The following SLF2 variants were observed in gnomAD, a reference collection of about 807,000 sequenced individuals.
SLF2 encodes SMC5/6 complex localization factor 2, also known as SMC5-SMC6 complex localization factor protein 2.
In SLF2, 68 loss-of-function variants were observed where a neutral mutation model predicts 124.3. The ratio of observed to expected loss-of-function variants is 0.55; its 90% CI spans 0.45 to 0.67. The LOEUF (loss-of-function observed/expected upper bound fraction) is 0.67. SLF2 is among the 30% of genes least tolerant of loss of function. The pLI, the probability that SLF2 is intolerant of heterozygous loss-of-function variation, is 0.00. For synonymous variants in SLF2, 480 were observed against 478.8 expected, an observed-to-expected ratio of 1.00 and a Z score of -0.03; for missense variants, 1,246 against 1,373.7, an observed-to-expected ratio of 0.91 and a Z score of 1.47.
In SLF2 at chr10:100,956,553, CTTTTTTTCTTTT is replaced by C. The variant is rs767515512; in HGVS notation, c.3417+27_3417+38del. 12 of 1,512,566 alleles carry C rather than the reference CTTTTTTTCTTTT, an allele frequency of 7.9e-6. No individual in the cohort carries two copies. Among genetic ancestry groups the C allele is most frequent in the African/African-American group, 7.1e-5 (5 of 70,432 alleles). The allele number at this position is 1,512,566 out of a possible 1,614,324, so 93.7% of individuals were successfully genotyped here. ...CAGAACTAAGGTAAGTGTGTTCTTT[CTTTTTTTCTTTT>C]TTTTTTTCTTAATCTTGGTTACGTT... On this transcript the variant is annotated intron_variant, in intron 18 of 19. Coordinates refer to ENST00000238961, the MANE Select transcript of SLF2 (RefSeq NM_018121.4).
chr10:100,948,602 G>T (rs1850151526), intron 15 of SLF2, among the ~76,000 whole-genome samples: 1 of 152,282 alleles, frequency 6.6e-6, no homozygotes, highest in African/African-American at 2.4e-5. Context: ...CTCACCATAG[G>T]ATGGGCACAG....
chr10:100,917,337 C>G (rs751385653), intron 3 of SLF2, 37 bp downstream of exon 3: 6 of 1,550,100 alleles, frequency 3.9e-6, no homozygotes, highest in Non-Finnish European at 5.2e-6. Flanking sequence ...ATTGCTACTG[C>G]TATGTCATAT....
At chr10:100,937,331 G>T in intron 9 of SLF2, 71 bp from the exon 10 acceptor site, 1 of 1,231,642 alleles carries the variant, frequency 8.1e-7, no homozygotes, top group Non-Finnish European at 1.2e-6. Context: ...AACTTTATAT[G>T]TGCCTAGCAA....
At chr10:100,943,831 A>G (rs911003677) in intron 11 of SLF2, 195 bp from the exon 12 acceptor site, 1 of 451,590 alleles carries the variant, frequency 2.2e-6, no homozygotes, top group Non-Finnish European at 3.9e-6. Flanking sequence ...GGGAATGGAA[A>G]TGTTCTATTT....
Position 100,920,258 on chromosome 10 carries a change from C to T in SLF2, c.973+1817C>T, listed in dbSNP as rs1157224187. On this transcript the variant is annotated intron_variant, in intron 4 of 19. Coordinates refer to ENST00000238961, the MANE Select transcript of SLF2 (RefSeq NM_018121.4). ...TATTATTTTATATAAGGGGCTGCTG[C>T]TGGTGGTGTGGCTACCACATTATTC... 3.9e-5 allele frequency among the ~76,000 whole-genome samples: 6 copies of T among 152,206 alleles called. No homozygotes were observed. In the East Asian group the frequency reaches 7.7e-4, roughly 20 times the overall value.
chr10:100,932,147 G>T (rs1197788813), intron 9 of SLF2, among the ~76,000 whole-genome samples: 2 of 151,992 alleles, frequency 1.3e-5, no homozygotes, highest in African/African-American at 4.8e-5. Flanking sequence ...GTTATTCTTC[G>T]CAGTGGCTCA....
At chr10:100,920,969 A>T (rs893522170) in intron 4 of SLF2, among the ~76,000 whole-genome samples, 2 of 152,132 alleles carry the variant, frequency 1.3e-5, no homozygotes, top group African/African-American at 4.8e-5. Context: ...AATAAATAAA[A>T]ATAAAAATCC....
At position 100,950,694 on chromosome 10, in the gene SLF2, ATTC is replaced by A. The variant is rs778145340; in HGVS notation, c.3278_3280del (p.Leu1093del). 1.2e-6 allele frequency: 2 copies of A among 1,613,804 alleles called. No homozygotes were observed. Among genetic ancestry groups the A allele is most frequent in the Non-Finnish European group, 8.5e-7 (1 of 1,179,820 alleles). On this transcript the variant is annotated inframe_deletion, in exon 17 of 20. Transcript: ENST00000238961. Reference sequence around the variant, plus strand: ...CTAACAGGCATATTACCTGACCTACATTCTTCTTCATTTAGTCGGTGAAGTTAG... The same window carrying A: ...CTAACAGGCATATTACCTGACCTACATTCTTCATTTAGTCGGTGAAGTTAG...
intron 9 of SLF2, among the ~76,000 whole-genome samples, chr10:100,934,503 GT>G (rs1046901047): frequency 2.0e-5 from 3 of 151,482 alleles, no homozygotes; most frequent in East Asian, 1.9e-4. Context: ...CATAGCAGAA[GT>G]TTTTTTTTCA....
intron 18 of SLF2, 73 bp downstream of exon 18, chr10:100,956,610 A>T: frequency 9.1e-7 from 1 of 1,092,940 alleles, no homozygotes; most frequent in Admixed American, 2.1e-5. Flanking sequence ...GGATAGAAGC[A>T]TACAGGCCTA....
At chr10:100,960,390 A>G (rs796229529) in intron 19 of SLF2, among the ~76,000 whole-genome samples, 2 of 152,288 alleles carry the variant, frequency 1.3e-5, no homozygotes, top group African/African-American at 4.8e-5. Flanking sequence ...TTCCCACCAG[A>G]ATGTCTGAGG....
intron 1 of SLF2, among the ~76,000 whole-genome samples, chr10:100,915,103 C>T (rs928868184): frequency 6.6e-6 from 1 of 152,154 alleles, no homozygotes; most frequent in Non-Finnish European, 1.5e-5. Context: ...AGCATTATTG[C>T]CAATGTCAGA....
In SLF2 at chr10:100,923,919, C is replaced by T. The variant is rs141290510; in HGVS notation, c.974-56C>T. On this transcript the variant is annotated intron_variant, in intron 4 of 19. Coordinates refer to ENST00000238961, the MANE Select transcript of SLF2 (RefSeq NM_018121.4). ...TAGGGTGTTCTAGACACTGAATAAA[C>T]TTTACTAAAGTTGGAAAGTATATTT... 385 of 1,381,918 alleles carry T rather than the reference C, an allele frequency of 2.8e-4. 5 individuals carry two copies. In the African/African-American group the frequency reaches 3.7e-3, roughly 13 times the overall value. 85.6% of individuals were successfully genotyped at this position (1,381,918 alleles called of 1,614,324 possible). A position where few individuals can be genotyped will look rare whatever the true frequency, so the allele number is the denominator to read the frequency against.
intron 6 of SLF2, chr10:100,926,526 GC>G (rs912592341): frequency 1.3e-5 from 4 of 303,828 alleles, no homozygotes; most frequent in Non-Finnish European, 2.4e-5. Flanking sequence ...GATCACCTGA[GC>G]CCAAGGAGGT....
intron 2 of SLF2, 59 bp downstream of exon 2, chr10:100,916,101 A>C: frequency 7.3e-7 from 1 of 1,373,836 alleles, no homozygotes; most frequent in South Asian, 1.3e-5. Context: ...AGAGAGACAG[A>C]TTCAACTTTA....
Position 100,962,660 on chromosome 10 carries a change from T to G in SLF2, c.*748T>G, listed in dbSNP as rs892023224. ...CTGGATTTCTTTTAAATGCATGTAT[T>G]TTAAATACTGGTTAAATCTTAGAAT... On this transcript the variant is annotated 3_prime_UTR_variant, in exon 20 of 20. Transcript: ENST00000238961. 1 of 152,650 alleles carries G rather than the reference T, an allele frequency of 6.6e-6. No homozygotes were observed. Among genetic ancestry groups the G allele is most frequent in the African/African-American group, 2.4e-5 (1 of 41,444 alleles). The allele number at this position is 152,650 out of a possible 1,614,324, so 9.5% of individuals were successfully genotyped here.
At chr10:100,921,361 C>T (rs1161226972) in intron 4 of SLF2, among the ~76,000 whole-genome samples, 3 of 152,164 alleles carry the variant, frequency 2.0e-5, no homozygotes, top group Non-Finnish European at 4.4e-5. Context: ...GGATTACGGG[C>T]GTGAGCCACC....
chr10:100,949,813 C>T (rs1328035754), intron 15 of SLF2, among the ~76,000 whole-genome samples: 1 of 152,098 alleles, frequency 6.6e-6, no homozygotes, highest in African/African-American at 2.4e-5. Flanking sequence ...CCAGGCTGGT[C>T]TTGAACCTCT....
chr10:100,921,533 C>A lies in SLF2; in HGVS notation c.974-2442C>A, dbSNP rs193286521. On this transcript the variant is annotated intron_variant, in intron 4 of 19. Transcript: ENST00000238961. ...ATTATGAACATTTTGCAATTAATCACCTGACCTGAAGAGCTTGCTAAAGGG... is the reference window on the plus strand; with the variant it reads ...ATTATGAACATTTTGCAATTAATCAACTGACCTGAAGAGCTTGCTAAAGGG... Among the ~76,000 whole-genome samples the A allele has an allele frequency of 3.3e-5, 5 of 152,278 alleles. No homozygotes were observed. The East Asian group carries it at 9.6e-4, about 29-fold the overall frequency.
Sources: allele counts gnomAD v4.1 joint callset (sites outside exome capture counted in the v4.1 genomes callset), GRCh38; gene constraint gnomAD v4.1.1; transcripts MANE v1.5; gene names NCBI Gene and HGNC (gene_info 2026-07-23, HGNC 2026-07-21).